Variants in LIMCH1 observed in about 807,000 individuals in gnomAD.
LIMCH1 encodes the protein LIM and calponin homology domains 1, also known as LIM and calponin homology domains-containing protein 1.
A neutral mutation model predicts 176.5 loss-of-function variants in LIMCH1; 113 were observed. The observed-to-expected ratio is 0.64, with a 90% CI of 0.55 to 0.75. The LOEUF (loss-of-function observed/expected upper bound fraction) is 0.75, where lower values mean the gene tolerates loss of function less well. Ranked by LOEUF, LIMCH1 falls within the 30% of genes least tolerant of loss-of-function variation. The pLI is 0.00. For missense variants in LIMCH1, 1,674 were observed against 1,814.9 expected (o/e 0.92, Z 1.41); for synonymous variants, 619 against 645.9 (o/e 0.96, Z 0.63).
chr4:41,381,969 C>T (rs1453942575), intron 1 of LIMCH1, among the ~76,000 whole-genome samples: 2 of 152,180 alleles, frequency 1.3e-5, no homozygotes, highest in African/African-American at 4.8e-5. Context: ...GGTGTGACAA[C>T]CAAAAATGTC....
chr4:41,465,582 C>T (rs1177268368), intron 1 of LIMCH1, among the ~76,000 whole-genome samples: 4 of 152,296 alleles, frequency 2.6e-5, no homozygotes, highest in Non-Finnish European at 4.4e-5. Flanking sequence ...GGGTTACAGC[C>T]CACTTCTTTG....
intron 2 of LIMCH1, among the ~76,000 whole-genome samples, chr4:41,504,585 G>A (rs892931511): frequency 3.3e-5 from 5 of 152,232 alleles, no homozygotes; most frequent in Admixed American, 1.3e-4. Context: ...GGCAATGGCA[G>A]TATGCAGATA....
chr4:41,557,115 T>C (rs2081373925), intron 1 of LIMCH1, among the ~76,000 whole-genome samples: 1 of 152,178 alleles, frequency 6.6e-6, no homozygotes, highest in South Asian at 2.1e-4. Flanking sequence ...TCTTGACACA[T>C]AATAAATGCA....
chr4:41,690,319 T>C (rs1724497746), intron 30 of LIMCH1, among the ~76,000 whole-genome samples: 1 of 152,212 alleles, frequency 6.6e-6, no homozygotes, highest in Non-Finnish European at 1.5e-5. Context: ...TGTCAATAAA[T>C]ATTTTTACGT....
intron 27 of LIMCH1, among the ~76,000 whole-genome samples, chr4:41,685,072 G>A (rs1280259096): frequency 6.6e-6 from 1 of 152,174 alleles, no homozygotes; most frequent in Non-Finnish European, 1.5e-5. Context: ...TTCAAATGTT[G>A]AATGATATAA....
upstream of LIMCH1, among the ~76,000 whole-genome samples, chr4:41,533,726 C>A (rs1446024199): frequency 6.6e-6 from 1 of 151,934 alleles, no homozygotes; most frequent in Non-Finnish European, 1.5e-5. Flanking sequence ...CAAGAAAGAC[C>A]AAGGAAGAAA....
At chr4:41,386,399 G>A (rs1404878959) in intron 1 of LIMCH1, among the ~76,000 whole-genome samples, 1 of 152,168 alleles carries the variant, frequency 6.6e-6, no homozygotes, top group Admixed American at 6.5e-5. Context: ...AATGGTTATG[G>A]TTATAACAGC....
intron 1 of LIMCH1, among the ~76,000 whole-genome samples, chr4:41,419,604 G>C (rs13122494): frequency 1.3e-4 from 6 of 47,292 alleles, no homozygotes; most frequent in South Asian, 1.1e-3. Flanking sequence ...CCTTCCTTCC[G>C]TCCTTCCTTC....
intron 1 of LIMCH1, among the ~76,000 whole-genome samples, chr4:41,419,578 C>G (rs2060280258): frequency 1.3e-5 from 1 of 78,782 alleles, no homozygotes; most frequent in African/African-American, 1.0e-4. Context: ...TTCCTTCCTT[C>G]CTTCCTTCCT....
At position 41,613,454 on chromosome 4, in the gene LIMCH1, C is replaced by A; in HGVS notation, c.10-12C>A. On this transcript the variant is annotated splice_polypyrimidine_tract_variant and intron_variant, in intron 4 of 31. Transcript: ENST00000503057. The stretch of plus-strand genomic sequence containing the variant: ...ATTATGTCTGTAACCCTTTCATTTT[C>A]TTTTTTGACAGGACACTGATGACAT... 1 of 1,610,786 alleles carries A rather than the reference C, an allele frequency of 6.2e-7. No individual in the cohort carries two copies. The highest frequency in any genetic ancestry group is 8.5e-7 in the Non-Finnish European group (1 of 1,177,422).
chr4:41,478,867 GA>G (rs1392962741), intron 1 of LIMCH1, among the ~76,000 whole-genome samples: 10 of 152,168 alleles, frequency 6.6e-5, no homozygotes, highest in Admixed American at 2.0e-4. Context: ...TGTCATTAGT[GA>G]AAATAAATAT....
intron 1 of LIMCH1, among the ~76,000 whole-genome samples, chr4:41,547,526 G>A (rs114059137): frequency 2.0e-4 from 28 of 136,752 alleles, no homozygotes; most frequent in Non-Finnish European, 3.2e-4. Context: ...TTTAAGTTTC[G>A]CATTTTTTCA....
intron 8 of LIMCH1, 56 bp from the exon 9 acceptor site, chr4:41,629,436 C>T (rs1032857674): frequency 3.9e-6 from 6 of 1,523,320 alleles, no homozygotes; most frequent in Non-Finnish European, 5.3e-6. Flanking sequence ...TTTGTCTGCT[C>T]CCCTTCCTTG....
intron 1 of LIMCH1, among the ~76,000 whole-genome samples, chr4:41,460,802 T>C (rs1169709741): frequency 6.6e-6 from 1 of 152,074 alleles, no homozygotes; most frequent in East Asian, 1.9e-4. Flanking sequence ...GTGGGTGTAG[T>C]TGACGGATGT....
intron 1 of LIMCH1, among the ~76,000 whole-genome samples, chr4:41,573,326 T>C (rs2083861656): frequency 6.6e-6 from 1 of 152,232 alleles, no homozygotes; most frequent in South Asian, 2.1e-4. Context: ...ATGTAATCAC[T>C]ATGTAAAAAT....
rs140354671 is a variant in LIMCH1, at chr4:41,635,554, T to C, written c.2090+1746T>C. Among the ~76,000 whole-genome samples, 10 of 152,256 alleles carry C rather than the reference T, an allele frequency of 6.6e-5. 1 individual carries two copies. In the East Asian group the frequency reaches 1.7e-3, roughly 27 times the overall value. ...GTCACTCTTTGTGATTCTGGAAAGA[T>C]TCCTCTTTATTTTCACATGGGAATG... On this transcript the variant is annotated intron_variant, in intron 13 of 31. Transcript: ENST00000503057.
intron 1 of LIMCH1, among the ~76,000 whole-genome samples, chr4:41,489,724 A>G (rs1421049269): frequency 1.3e-5 from 2 of 151,874 alleles, no homozygotes; most frequent in East Asian, 1.9e-4. Context: ...ACTATGAGTT[A>G]TCTAGTGAGA....
At position 41,469,665 on chromosome 4, in the gene LIMCH1, G is replaced by GATTGATTTATTTATTTATTTATTT. The variant is rs1554061021; in HGVS notation, c.97-24868_97-24867insGATTTATTTATTTATTTATTTATT. Among the ~76,000 whole-genome samples, 9 of 148,360 alleles carry GATTGATTTATTTATTTATTTATTT rather than the reference G, an allele frequency of 6.1e-5. No homozygotes were observed. The South Asian group carries it at 6.6e-4, about 11-fold the overall frequency. ...AGGATTATGTCATAGCTTGTTTTGA[G>GATTGATTTATTTATTTATTTATTT]ATTTATTTATTTATTTATTTATTTA... is the stretch of plus-strand genomic sequence containing the variant. On this transcript the variant is annotated intron_variant, in intron 1 of 26. Transcript: ENST00000313860.
At chr4:41,671,907 A>G (rs1203594979) in intron 22 of LIMCH1, among the ~76,000 whole-genome samples, 1 of 149,002 alleles carries the variant, frequency 6.7e-6, no homozygotes, top group Non-Finnish European at 1.5e-5. Flanking sequence ...AAAAAAAAAA[A>G]GAGTATTCAA....
Sources: gnomAD v4.1 joint callset for allele counts (sites outside exome capture counted in the v4.1 genomes callset) on GRCh38, gnomAD v4.1.1 for gene constraint, MANE v1.5 for transcripts, NCBI Gene and HGNC (gene_info 2026-07-23, HGNC 2026-07-21) for gene names.